EYA4: variants seen among roughly 807,000 people sequenced by gnomAD.
EYA4 encodes the protein protein phosphatase EYA4.
In EYA4, 31 loss-of-function variants were observed where a neutral mutation model predicts 87.9. That is an observed-to-expected ratio of 0.35 (90% CI 0.27 to 0.48). The LOEUF is 0.48. EYA4 is among the 20% of genes least tolerant of loss of function. The probability of loss-of-function intolerance (pLI) is 0.99; values close to 1 mark genes in which losing one functional copy is unlikely to be tolerated. For missense variants in EYA4, 678 were observed against 761.4 expected, an observed-to-expected ratio of 0.89 and a Z score of 1.29; for synonymous variants, 263 against 270.6, an observed-to-expected ratio of 0.97 and a Z score of 0.28.
At chr6:133,303,254 A>G (rs1452688577) in intron 2 of EYA4, among the ~76,000 whole-genome samples, 1 of 152,154 alleles carries the variant, frequency 6.6e-6, no homozygotes, top group African/African-American at 2.4e-5. Context: ...CCTTAGTGAC[A>G]TACAGTAATT....
intron 2 of EYA4, among the ~76,000 whole-genome samples, chr6:133,371,248 G>C (rs1163811963): frequency 6.6e-6 from 1 of 152,166 alleles, no homozygotes; most frequent in African/African-American, 2.4e-5. Context: ...TTTACTGTTA[G>C]AGGTGGATAG....
chr6:133,495,383 T>A (rs1282609603), intron 13 of EYA4, among the ~76,000 whole-genome samples: 1 of 148,142 alleles, frequency 6.8e-6, no homozygotes, highest in Non-Finnish European at 1.5e-5. Flanking sequence ...AATATAAATA[T>A]ATTCATTTAT....
intron 10 of EYA4, among the ~76,000 whole-genome samples, chr6:133,467,085 G>A (rs955498715): frequency 6.6e-6 from 1 of 152,146 alleles, no homozygotes; most frequent in South Asian, 2.1e-4. Flanking sequence ...GGACAAGGGG[G>A]CGACAGTGGA....
chr6:133,364,844 A>G (rs926897075), intron 2 of EYA4, among the ~76,000 whole-genome samples: 4 of 152,186 alleles, frequency 2.6e-5, no homozygotes, highest in Admixed American at 6.5e-5. Context: ...TTAAAACTCT[A>G]CCTGCCTAAT....
intron 11 of EYA4, among the ~76,000 whole-genome samples, chr6:133,476,406 C>T (rs1795737034): frequency 1.3e-5 from 2 of 152,034 alleles, no homozygotes; most frequent in Admixed American, 1.3e-4. Flanking sequence ...TCCCCAGTCT[C>T]CCTCTCCAGC....
At chr6:133,488,565 T>A (rs548445177) in intron 13 of EYA4, among the ~76,000 whole-genome samples, 5 of 152,064 alleles carry the variant, frequency 3.3e-5, no homozygotes, top group South Asian at 4.1e-4. Context: ...GAGACCCCAT[T>A]TGTTTGGGAG....
rs920223055 is a variant in EYA4, at chr6:133,444,331, A to G, written c.84-2299A>G. On this transcript the variant is annotated intron_variant, in intron 3 of 19. Transcript: ENST00000355286. The stretch of plus-strand genomic sequence containing the variant: ...CTTGAGGCCTATTTTGTGTGATGTA[A>G]TATTAGCTTGACCATCTTTTTTATG... Among the ~76,000 whole-genome samples, 20 of 152,010 alleles carry G rather than the reference A, an allele frequency of 1.3e-4. 1 individual carries two copies. The highest frequency in any genetic ancestry group is 1.5e-5 in the Non-Finnish European group (1 of 68,002).
chr6:133,481,504 G>A lies in EYA4; in HGVS notation c.1012G>A (p.Asp338Asn). The change falls in exon 12 of 20, where the codon GAT becomes AAT. Residue 338 changes from aspartate to asparagine, a missense_variant. Asp to Asn is a conservative substitution (Grantham distance 23). Coordinates refer to ENST00000355286, the MANE Select transcript of EYA4 (RefSeq NM_004100.5). ...GCAGAGTCCCTCCACACCCATCAAA[G>A]ATCTTGATGAGAGAACCTGTAGGAG... ...TMQSPSTPIK[D>N]LDERTCRSSG... 6.2e-7 allele frequency: 1 copy of A among 1,613,474 alleles called. No individual in the cohort carries two copies. The highest frequency in any genetic ancestry group is 8.5e-7 in the Non-Finnish European group (1 of 1,179,448).
intron 17 of EYA4, among the ~76,000 whole-genome samples, chr6:133,515,826 A>G (rs1799554666): frequency 6.6e-6 from 1 of 152,208 alleles, no homozygotes; most frequent in Admixed American, 6.5e-5. Flanking sequence ...GGCAAATATG[A>G]AACAGTACTG....
intron 5 of EYA4, among the ~76,000 whole-genome samples, chr6:133,450,352 T>C (rs923302082): frequency 2.6e-5 from 4 of 152,232 alleles, no homozygotes; most frequent in Non-Finnish European, 5.9e-5. Flanking sequence ...TGATCTCTTC[T>C]GTTAAGAATA....
At chr6:133,394,345 T>C (rs1372503028) in intron 3 of EYA4, among the ~76,000 whole-genome samples, 1 of 137,330 alleles carries the variant, frequency 7.3e-6, no homozygotes, top group African/African-American at 2.7e-5. Context: ...AATCCACTCT[T>C]AAAATTCTAG....
At chr6:133,357,316 CTCTT>C (rs1447080600) in intron 2 of EYA4, among the ~76,000 whole-genome samples, 2 of 148,356 alleles carry the variant, frequency 1.3e-5, no homozygotes, top group Admixed American at 1.3e-4. Flanking sequence ...ACTAACTAGT[CTCTT>C]TATTTATGCA....
rs1282347514 is a variant in EYA4 at position 133,531,054 on chromosome 6, G to T, written c.*2249G>T. On this transcript the variant is annotated 3_prime_UTR_variant, in exon 20 of 20. Coordinates refer to ENST00000355286, the MANE Select transcript of EYA4 (RefSeq NM_004100.5). ...GAATTGTGGCATTACATCTAAATTTGTAAGTCTTTTCATATCAAACAAGCA... is the reference window on the plus strand; with the variant it reads ...GAATTGTGGCATTACATCTAAATTTTTAAGTCTTTTCATATCAAACAAGCA... 1.7e-5 allele frequency: 24 copies of T among 1,394,910 alleles called. No individual in the cohort carries two copies. In the South Asian group the frequency reaches 3.7e-4, roughly 22 times the overall value. The allele number at this position is 1,394,910 out of a possible 1,614,324, so 86.4% of individuals were successfully genotyped here. A position where few individuals can be genotyped will look rare whatever the true frequency, so the allele number is the denominator to read the frequency against.
intron 2 of EYA4, among the ~76,000 whole-genome samples, chr6:133,343,323 T>C (rs1329564475): frequency 6.6e-6 from 1 of 152,178 alleles, no homozygotes; most frequent in African/African-American, 2.4e-5. Context: ...GATTGTTGAT[T>C]TATTTCTTAC....
At chr6:133,381,843 A>G (rs1786254124) in intron 2 of EYA4, among the ~76,000 whole-genome samples, 1 of 152,224 alleles carries the variant, frequency 6.6e-6, no homozygotes, top group Admixed American at 6.5e-5. Flanking sequence ...TAAAAACCAC[A>G]AAGTTGAAAT....
At chr6:133,249,591 T>C (rs1774717765) in intron 1 of EYA4, among the ~76,000 whole-genome samples, 1 of 152,200 alleles carries the variant, frequency 6.6e-6, no homozygotes, top group South Asian at 2.1e-4. Context: ...ACAACAACTC[T>C]CTTTTCCAGC....
intron 3 of EYA4, among the ~76,000 whole-genome samples, chr6:133,389,105 T>G (rs115357998): frequency 1.8e-4 from 28 of 152,288 alleles, no homozygotes; most frequent in African/African-American, 6.7e-4. Context: ...TCCAGATGTT[T>G]TGCGCCCGTT....
At chr6:133,297,912 C>A (rs1779064175) in intron 2 of EYA4, among the ~76,000 whole-genome samples, 1 of 152,148 alleles carries the variant, frequency 6.6e-6, no homozygotes, top group Admixed American at 6.5e-5. Context: ...TCTTCACAAC[C>A]ATTCACTCAG....
chr6:133,401,817 G>A (rs1583181775), intron 3 of EYA4, among the ~76,000 whole-genome samples: 1 of 152,110 alleles, frequency 6.6e-6, no homozygotes, highest in Admixed American at 6.5e-5. Context: ...TTGAAATGTG[G>A]CACAATCCAG....
Sources: gnomAD v4.1 joint callset for allele counts (sites outside exome capture counted in the v4.1 genomes callset) on GRCh38, gnomAD v4.1.1 for gene constraint, MANE v1.5 for transcripts, NCBI Gene and HGNC (gene_info 2026-07-23, HGNC 2026-07-21) for gene names.